AGMO: variants seen among roughly 807,000 people sequenced by gnomAD.
AGMO encodes alkylglycerol monooxygenase.
Under a neutral mutation model 60.2 loss-of-function variants are expected in AGMO, and 75 were observed. The ratio of observed to expected loss-of-function variants is 1.25; its 90% CI spans 1.03 to 1.51. The LOEUF is 1.51. AGMO is among the 40% of genes most tolerant of loss of function. AGMO has a pLI of 0.00. For missense variants in AGMO, 763 were observed against 525.5 expected (o/e 1.45, Z -4.42); for synonymous variants, 261 against 177.1 (o/e 1.47, Z -3.76).
intron 3 of AGMO, among the ~76,000 whole-genome samples, chr7:15,500,233 G>A (rs773715374): frequency 6.6e-6 from 1 of 151,788 alleles, no homozygotes; most frequent in African/African-American, 2.4e-5. Context: ...CTTATTTCTA[G>A]TGCTTTTAAA....
At chr7:15,291,045 A>T (rs530100459) in intron 12 of AGMO, among the ~76,000 whole-genome samples, 1 of 152,294 alleles carries the variant, frequency 6.6e-6, no homozygotes, top group African/African-American at 2.4e-5. Flanking sequence ...CAAGCTTTAC[A>T]AATTTTCTGG....
chr7:15,193,880 C>G, the AGMO span, among the ~76,000 whole-genome samples: 2 of 152,092 alleles, frequency 1.3e-5, no homozygotes, highest in African/African-American at 2.4e-5. Context: ...TTGTATTTAA[C>G]ATCAATTGTA....
intron 10 of AGMO, among the ~76,000 whole-genome samples, chr7:15,370,069 C>G (rs1173979377): frequency 6.6e-6 from 1 of 152,088 alleles, no homozygotes; most frequent in African/African-American, 2.4e-5. Context: ...CTCCTTTATT[C>G]CTTAGTCCCC....
At chr7:15,253,314 G>A (rs140492656) in intron 12 of AGMO, among the ~76,000 whole-genome samples, 102 of 152,242 alleles carry the variant, frequency 6.7e-4, no homozygotes, top group African/African-American at 2.3e-3. Flanking sequence ...TGGTACATGT[G>A]AATTTACCAA....
intron 10 of AGMO, among the ~76,000 whole-genome samples, chr7:15,368,382 T>C (rs915086070): frequency 6.6e-5 from 10 of 152,042 alleles, no homozygotes; most frequent in Non-Finnish European, 2.9e-5. Flanking sequence ...TATTGCTTCA[T>C]TGTGGTTTTG....
intron 12 of AGMO, among the ~76,000 whole-genome samples, chr7:15,207,695 G>A (rs920469001): frequency 1.3e-5 from 2 of 152,242 alleles, no homozygotes; most frequent in African/African-American, 4.8e-5. Context: ...AACACTTTGG[G>A]AGACCAAGGT....
At chr7:15,424,544 T>TA (rs1781007017) in intron 4 of AGMO, among the ~76,000 whole-genome samples, 1 of 152,206 alleles carries the variant, frequency 6.6e-6, no homozygotes, top group African/African-American at 2.4e-5. Flanking sequence ...TTTTATTTTT[T>TA]ACCAAATTTC....
intron 3 of AGMO, among the ~76,000 whole-genome samples, chr7:15,475,886 C>G (rs1241043732): frequency 6.6e-6 from 1 of 152,034 alleles, no homozygotes; most frequent in Non-Finnish European, 1.5e-5. Flanking sequence ...ATTTATCCCA[C>G]ATAAGATCTA....
chr7:15,493,355 ACACACAC>A (rs1783122297), intron 3 of AGMO, among the ~76,000 whole-genome samples: 1 of 84,934 alleles, frequency 1.2e-5, no homozygotes, highest in Non-Finnish European at 2.3e-5. Context: ...ACACACACAC[ACACACAC>A]TTCTTTTTTT....
intron 5 of AGMO, among the ~76,000 whole-genome samples, chr7:15,409,624 C>A (rs1296117308): frequency 6.6e-6 from 1 of 151,920 alleles, no homozygotes; most frequent in Non-Finnish European, 1.5e-5. Context: ...TGAATTCATT[C>A]TTTACAACCT....
chr7:15,357,038 C>T (rs147717136), intron 12 of AGMO, among the ~76,000 whole-genome samples: 3 of 149,328 alleles, frequency 2.0e-5, no homozygotes, highest in South Asian at 2.1e-4. Flanking sequence ...GCAGGAGAAT[C>T]GCTTAAACCT....
intron 12 of AGMO, among the ~76,000 whole-genome samples, chr7:15,252,650 C>T (rs1273244590): frequency 6.6e-6 from 1 of 152,160 alleles, no homozygotes; most frequent in Non-Finnish European, 1.5e-5. Context: ...GCTCTGGATG[C>T]TCGATTGTAG....
chr7:15,375,761 G>T (rs763323424), intron 10 of AGMO, among the ~76,000 whole-genome samples: 6 of 152,104 alleles, frequency 3.9e-5, no homozygotes, highest in Admixed American at 2.6e-4. Context: ...AGACTTGGGA[G>T]TTTCCAAAAC....
intron 8 of AGMO, among the ~76,000 whole-genome samples, 180 bp downstream of exon 8, chr7:15,390,491 G>T (rs1784091691): frequency 1.3e-5 from 2 of 152,070 alleles, no homozygotes; most frequent in Non-Finnish European, 2.9e-5. Flanking sequence ...AATGTATTTT[G>T]CCTGATTTGA....
the AGMO span, among the ~76,000 whole-genome samples, chr7:15,184,589 T>G: frequency 8.7e-3 from 302 of 34,778 alleles, 6 homozygotes; most frequent in African/African-American, 0.028. Context: ...AGGAAGGTAG[T>G]AAGGAAGGGA....
intron 12 of AGMO, among the ~76,000 whole-genome samples, chr7:15,257,914 C>T (rs1783144868): frequency 6.6e-6 from 1 of 152,180 alleles, no homozygotes; most frequent in African/African-American, 2.4e-5. Context: ...CACACCCAAT[C>T]ACATATCCCA....
intron 3 of AGMO, among the ~76,000 whole-genome samples, chr7:15,446,768 C>A (rs1033957740): frequency 2.6e-5 from 4 of 152,110 alleles, no homozygotes; most frequent in Non-Finnish European, 4.4e-5. Flanking sequence ...TTAGATAATG[C>A]CTCGTTTGTT....
the AGMO span, among the ~76,000 whole-genome samples, chr7:15,192,597 T>C: frequency 6.6e-6 from 1 of 152,160 alleles, no homozygotes; most frequent in African/African-American, 2.4e-5. Flanking sequence ...AAGGTCCAGG[T>C]ACCAAGAGCG....
chr7:15,437,597 G>A (rs1256762297), intron 3 of AGMO, among the ~76,000 whole-genome samples: 3 of 149,266 alleles, frequency 2.0e-5, no homozygotes, highest in African/African-American at 4.9e-5. Context: ...TGCAGTGGTG[G>A]GATCTCCCCT....
Sources: allele counts gnomAD v4.1 joint callset (sites outside exome capture counted in the v4.1 genomes callset), GRCh38; gene constraint gnomAD v4.1.1; transcripts MANE v1.5; gene names NCBI Gene and HGNC (gene_info 2026-07-23, HGNC 2026-07-21).